Variants in SYT6 observed in about 807,000 individuals in gnomAD.
SYT6 encodes the protein synaptotagmin 6.
SYT6 carries 24 observed loss-of-function variants against 38.4 expected under a neutral mutation model. That is an observed-to-expected ratio of 0.62 (90% CI 0.45 to 0.88). The LOEUF is 0.88. Among genes scored for constraint, SYT6 ranks in the 40% least tolerant of loss-of-function variants. The probability of loss-of-function intolerance (pLI) is 0.00; values close to 1 mark genes in which losing one functional copy is unlikely to be tolerated. For synonymous variants in SYT6, 265 were observed against 241.9 expected, an observed-to-expected ratio of 1.10 and a Z score of -0.89; for missense variants, 611 against 621.0, an observed-to-expected ratio of 0.98 and a Z score of 0.17.
chr1:114,101,504 T>C (rs1160090154), intron 4 of SYT6, among the ~76,000 whole-genome samples: 1 of 152,214 alleles, frequency 6.6e-6, no homozygotes, highest in African/African-American at 2.4e-5. Context: ...GTCCTTATTA[T>C]TATTTTGTGC....
intron 4 of SYT6, among the ~76,000 whole-genome samples, chr1:114,100,754 G>T (rs1440184484): frequency 6.6e-6 from 1 of 152,222 alleles, no homozygotes. Context: ...CTATGGATAT[G>T]CCCCAGGACA....
At chr1:114,136,385 C>G (rs989004448) in intron 3 of SYT6, among the ~76,000 whole-genome samples, 2 of 152,218 alleles carry the variant, frequency 1.3e-5, no homozygotes, top group African/African-American at 2.4e-5. Context: ...CCTGTTAGCA[C>G]TCAAGAGAGC....
chr1:114,114,901 G>T (rs934622878), intron 3 of SYT6, among the ~76,000 whole-genome samples: 1 of 152,202 alleles, frequency 6.6e-6, no homozygotes, highest in African/African-American at 2.4e-5. Context: ...AGCCATGTGG[G>T]CTGCTGGACT....
intron 1 of SYT6, among the ~76,000 whole-genome samples, chr1:114,145,460 T>C (rs1490700515): frequency 6.6e-6 from 1 of 151,604 alleles, no homozygotes; most frequent in East Asian, 1.9e-4. Context: ...GTGGAACATG[T>C]ATGTAACTTG....
Position 114,091,777 on chromosome 1 carries a change from C to T in SYT6, c.*357G>A, listed in dbSNP as rs1154699. The T allele has an allele frequency of 0.13, 49,157 of 383,916 alleles. 5,711 individuals are homozygous for T. The highest frequency in any genetic ancestry group is 0.4 in the African/African-American group (18,880 of 47,686). The allele number at this position is 383,916 out of a possible 1,614,324, so 23.8% of individuals were successfully genotyped here. On this transcript the variant is annotated 3_prime_UTR_variant, in exon 8 of 8. Transcript: ENST00000610222. ...TTTTTCCCTTTTCTTACCAGCAGAC[C>T]CATAAAAAGTGAAAAACCACAAAAA...
At chr1:114,101,687 T>G (rs1463695232) in intron 4 of SYT6, among the ~76,000 whole-genome samples, 14 of 152,168 alleles carry the variant, frequency 9.2e-5, no homozygotes, top group Non-Finnish European at 2.1e-4. Flanking sequence ...CGAATAAGTC[T>G]GGGCTGAGGG....
intron 3 of SYT6, among the ~76,000 whole-genome samples, chr1:114,104,189 G>T (rs1026642791): frequency 6.6e-6 from 1 of 152,188 alleles, no homozygotes; most frequent in African/African-American, 2.4e-5. Context: ...CCCTCTCCCA[G>T]CAGGTCCATG....
In SYT6 at chr1:114,138,408, T is replaced by C. The variant is rs528450632; in HGVS notation, c.513-355A>G. ...TTCCTTATTAAATCATGAGATTCCT[T>C]AAGAGAAGGACCATCCCTTCTTATC... On this transcript the variant is annotated intron_variant, in intron 2 of 7. Transcript: ENST00000610222. Among the ~76,000 whole-genome samples, 3 of 152,314 alleles carry C rather than the reference T, an allele frequency of 2.0e-5. No individual in the cohort carries two copies. In the South Asian group the frequency reaches 6.2e-4, roughly 32 times the overall value.
At chr1:114,120,702 A>G (rs1677336288) in intron 3 of SYT6, among the ~76,000 whole-genome samples, 1 of 152,262 alleles carries the variant, frequency 6.6e-6, no homozygotes, top group Non-Finnish European at 1.5e-5. Context: ...GCTGAGGATT[A>G]AGTGAGACAA....
At chr1:114,114,049 T>G (rs952803652) in intron 3 of SYT6, among the ~76,000 whole-genome samples, 1 of 152,082 alleles carries the variant, frequency 6.6e-6, no homozygotes, top group Non-Finnish European at 1.5e-5. Context: ...GACCGTTCTT[T>G]CCCCAGCTCT....
intron 3 of SYT6, among the ~76,000 whole-genome samples, chr1:114,116,022 C>A (rs1275672199): frequency 6.6e-6 from 1 of 151,458 alleles, no homozygotes; most frequent in Non-Finnish European, 1.5e-5. Flanking sequence ...GTTCTGGAAG[C>A]AAGAAGCATG....
intron 3 of SYT6, among the ~76,000 whole-genome samples, chr1:114,129,564 T>TTTC (rs1484116622): frequency 4.5e-4 from 51 of 113,020 alleles, no homozygotes; most frequent in East Asian, 4.2e-3. Flanking sequence ...TTTTTCTTTC[T>TTTC]TTTCTTTCTT....
intron 4 of SYT6, among the ~76,000 whole-genome samples, chr1:114,101,045 T>C (rs1571822628): frequency 6.6e-6 from 1 of 152,180 alleles, no homozygotes. Context: ...CTGTTCATCC[T>C]TACAAGGCAT....
rs924294680 is a variant in SYT6, at chr1:114,134,302, T to C, written c.1071+3193A>G. Among the ~76,000 whole-genome samples, 22 of 152,182 alleles carry C rather than the reference T, an allele frequency of 1.4e-4. No homozygotes were observed. In the South Asian group the frequency reaches 2.1e-3, roughly 14 times the overall value. On this transcript the variant is annotated intron_variant, in intron 3 of 7. Transcript: ENST00000610222. ...TAAATACTACTTGAGCTGCTTCTCC[T>C]CCAAGAAGCCTTCCCAGGTTAACCC...
rs1044233635 is a variant in SYT6, at chr1:114,153,665, A to G, written c.108T>C (p.Thr36=). ...GGGGCTGCAGCTCGAAGCTCCGACA[A>G]GTCTCCACGTCCAGCCCGAGAGGGG... The part of the protein sequence containing the change: ...RPPPLGLDVE[T]CRSFELQPPE... The change falls in exon 1 of 8, where the codon ACT becomes ACC. Residue 36 remains threonine, a synonymous_variant. Transcript: ENST00000610222. 1.2e-5 allele frequency: 8 copies of G among 666,398 alleles called. No individual in the cohort carries two copies. Among genetic ancestry groups the G allele is most frequent in the Non-Finnish European group, 2.2e-5 (8 of 365,060 alleles). The allele number at this position is 666,398 out of a possible 1,614,324, so 41.3% of individuals were successfully genotyped here.
At chr1:114,150,113 A>G (rs570971912) in intron 1 of SYT6, among the ~76,000 whole-genome samples, 8 of 152,150 alleles carry the variant, frequency 5.3e-5, no homozygotes, top group Non-Finnish European at 1.0e-4. Context: ...AGATGCCTCA[A>G]TGCCACTCCT....
At chr1:114,153,308 G>A (rs1679544225) in intron 1 of SYT6, among the ~76,000 whole-genome samples, 1 of 152,204 alleles carries the variant, frequency 6.6e-6, no homozygotes, top group Non-Finnish European at 1.5e-5. Context: ...TTGGAGATGC[G>A]AGGGAAACTG....
At chr1:114,120,531 G>A (rs768995412) in intron 3 of SYT6, among the ~76,000 whole-genome samples, 8 of 151,966 alleles carry the variant, frequency 5.3e-5, no homozygotes, top group East Asian at 1.9e-4. Context: ...TAATCTTGTC[G>A]CATGTCCTAT....
At chr1:114,151,531 A>G (rs1421223386) in intron 1 of SYT6, among the ~76,000 whole-genome samples, 1 of 152,088 alleles carries the variant, frequency 6.6e-6, no homozygotes, top group Admixed American at 6.5e-5. Context: ...GATGTGCTGC[A>G]CACATACAGC....
Sources: allele counts gnomAD v4.1 joint callset (sites outside exome capture counted in the v4.1 genomes callset), GRCh38; gene constraint gnomAD v4.1.1; transcripts MANE v1.5; gene names NCBI Gene and HGNC (gene_info 2026-07-23, HGNC 2026-07-21).